Variants in RBPJ observed in about 807,000 individuals in gnomAD.
The protein encoded by RBPJ is recombination signal binding protein for immunoglobulin kappa J region.
A neutral mutation model predicts 67.8 loss-of-function variants in RBPJ; 9 were observed. The observed-to-expected ratio is 0.13, with a 90% CI of 0.08 to 0.23. The LOEUF (loss-of-function observed/expected upper bound fraction) is 0.23, where lower values mean the gene tolerates loss of function less well. Among genes scored for constraint, RBPJ ranks in the 10% least tolerant of loss-of-function variants. The pLI is 1.00. For synonymous variants in RBPJ, 198 were observed against 203.3 expected (o/e 0.97, Z 0.22); for missense variants, 305 against 595.6 (o/e 0.51, Z 5.08).
At chr4:26,225,642 T>C (rs942426460) in intron 1 of RBPJ, among the ~76,000 whole-genome samples, 3 of 152,058 alleles carry the variant, frequency 2.0e-5, no homozygotes, top group Admixed American at 6.5e-5. Context: ...TCATCACTTG[T>C]AACAAATGTA....
rs1311537085 is a variant in RBPJ, at chr4:26,428,716, A to G, written c.748-4A>G. Reference sequence around the variant, plus strand: ...ACCTTTTATTTCTTAATTGTTAAATATAGATAATTAGGAAAGTTGATAAGC... The same window carrying G: ...ACCTTTTATTTCTTAATTGTTAAATGTAGATAATTAGGAAAGTTGATAAGC... On this transcript the variant is annotated splice_polypyrimidine_tract_variant and splice_region_variant and intron_variant, in intron 7 of 10. Coordinates refer to ENST00000355476, the MANE Select transcript of RBPJ (RefSeq NM_015874.6). 1.2e-6 allele frequency: 2 copies of G among 1,604,274 alleles called. No homozygotes were observed. Among genetic ancestry groups the G allele is most frequent in the Non-Finnish European group, 1.7e-6 (2 of 1,174,660 alleles).
In RBPJ at chr4:26,433,747, T is replaced by C. The variant is rs1736435774; in HGVS notation, c.*2740T>C. The C allele has an allele frequency of 6.6e-6, 1 of 152,206 alleles. No homozygotes were observed. Among genetic ancestry groups the C allele is most frequent in the South Asian group, 2.1e-4 (1 of 4,830 alleles). 9.4% of individuals were successfully genotyped at this position (152,206 alleles called of 1,614,324 possible). On this transcript the variant is annotated 3_prime_UTR_variant, in exon 11 of 11. Transcript: ENST00000355476. ...ATCAGTAGTTCTTTTGTCAGCTGCT[T>C]ACATTTTTTCTTTCATGGTTTTGTG...
At chr4:26,255,889 A>G (rs1471737464) in intron 1 of RBPJ, among the ~76,000 whole-genome samples, 3 of 139,370 alleles carry the variant, frequency 2.2e-5, no homozygotes, top group Non-Finnish European at 4.6e-5. Flanking sequence ...AACCTCTGGC[A>G]AGTACTGAAT....
At chr4:26,215,260 GAA>G in intron 1 of RBPJ, among the ~76,000 whole-genome samples, 1 of 97,736 alleles carries the variant, frequency 1.0e-5, no homozygotes, top group Admixed American at 9.8e-5. Context: ...AGAAAGAAAG[GAA>G]GGGAGGGAGG....
chr4:26,144,959 G>A, the RBPJ span, among the ~76,000 whole-genome samples: 3 of 151,880 alleles, frequency 2.0e-5, no homozygotes, highest in South Asian at 6.2e-4. Context: ...CAACCATACT[G>A]GGTTTTCAGG....
chr4:26,157,086 C>CAAA, the RBPJ span, among the ~76,000 whole-genome samples: 1 of 34,658 alleles, frequency 2.9e-5, no homozygotes, highest in Non-Finnish European at 7.8e-5. Context: ...CAAAAACAAA[C>CAAA]AAACAAACAA....
chr4:26,292,432 T>A (rs1721701043), intron 1 of RBPJ, among the ~76,000 whole-genome samples: 1 of 150,384 alleles, frequency 6.6e-6, no homozygotes, highest in Admixed American at 6.7e-5. Context: ...AATATATATA[T>A]TTTTATGAGA....
At chr4:26,157,104 CAAACAAA>C in the RBPJ span, among the ~76,000 whole-genome samples, 3 of 36,234 alleles carry the variant, frequency 8.3e-5, 1 homozygote, top group South Asian at 3.1e-3. Flanking sequence ...CAAACAAAAA[CAAACAAA>C]CAAACAAAAA....
At chr4:26,250,393 G>A (rs185937755) in intron 1 of RBPJ, among the ~76,000 whole-genome samples, 47 of 143,282 alleles carry the variant, frequency 3.3e-4, no homozygotes, top group African/African-American at 1.0e-3. Context: ...GTACAGTAGC[G>A]TGGTCTCGGC....
rs573378397 is a variant in RBPJ, at chr4:26,215,145, G to A, written c.-167+51531G>A. On this transcript the variant is annotated intron_variant, in intron 1 of 4. Transcript: ENST00000512351. ...GAAAGAGAAACAAGGAAGGAAGGAT[G>A]GAGGGAGGGAGAGAAGGAGGATAGG... is the stretch of plus-strand genomic sequence containing the variant. 9.2e-4 allele frequency among the ~76,000 whole-genome samples: 124 copies of A among 135,366 alleles called. 8 individuals are homozygous for A. The highest frequency in any genetic ancestry group is 1.6e-3 in the Non-Finnish European group (103 of 63,806). The allele number at this position is 135,366 out of a possible 152,430, so 88.8% of individuals were successfully genotyped here.
At chr4:26,149,806 A>G in the RBPJ span, among the ~76,000 whole-genome samples, 1 of 152,136 alleles carries the variant, frequency 6.6e-6, no homozygotes, top group Middle Eastern at 3.2e-3. Context: ...CACAAACCAG[A>G]CTAAGACATA....
chr4:26,420,085 A>G (rs1734975506), intron 4 of RBPJ, among the ~76,000 whole-genome samples: 1 of 152,224 alleles, frequency 6.6e-6, no homozygotes, highest in African/African-American at 2.4e-5. Context: ...AGCTATATAA[A>G]GAAAAATATT....
chr4:26,412,730 TA>T (rs994295414), intron 3 of RBPJ, among the ~76,000 whole-genome samples: 3 of 151,930 alleles, frequency 2.0e-5, no homozygotes, highest in Non-Finnish European at 4.4e-5. Flanking sequence ...AATGTTCAAT[TA>T]AAAAAAACAG....
At chr4:26,329,503 G>C (rs1724003989) in intron 1 of RBPJ, among the ~76,000 whole-genome samples, 1 of 152,176 alleles carries the variant, frequency 6.6e-6, no homozygotes, top group Admixed American at 6.5e-5. Flanking sequence ...TTGTGGCTAT[G>C]AGCATTTCAC....
intron 1 of RBPJ, among the ~76,000 whole-genome samples, chr4:26,210,720 T>TTTCCTTCCTTCC (rs55831777): frequency 1.4e-5 from 1 of 70,876 alleles, no homozygotes; most frequent in Non-Finnish European, 2.8e-5. Context: ...TCTTTCCTTC[T>TTTCCTTCCTTCC]TTCTTTCCTT....
intron 1 of RBPJ, among the ~76,000 whole-genome samples, chr4:26,166,522 A>G (rs1175223411): frequency 2.7e-5 from 4 of 150,430 alleles, no homozygotes; most frequent in Non-Finnish European, 5.9e-5. Context: ...TCTTCTTTTG[A>G]GAAGTGTCTG....
intron 1 of RBPJ, among the ~76,000 whole-genome samples, chr4:26,371,252 C>T (rs755341495): frequency 1.4e-4 from 22 of 151,882 alleles, no homozygotes; most frequent in Non-Finnish European, 2.5e-4. Flanking sequence ...GATAAAATTC[C>T]ATAATAATCT....
chr4:26,364,165 A>G (rs1248420502), intron 1 of RBPJ, among the ~76,000 whole-genome samples: 1 of 152,240 alleles, frequency 6.6e-6, no homozygotes, highest in East Asian at 1.9e-4. Context: ...GGTATAGTCC[A>G]TGATTTTTGT....
chr4:26,177,754 C>A (rs186416706), intron 1 of RBPJ, among the ~76,000 whole-genome samples: 24 of 152,266 alleles, frequency 1.6e-4, no homozygotes, highest in East Asian at 9.6e-4. Flanking sequence ...ATATACTTAT[C>A]TTAGAAAAGT....
Sources: gnomAD v4.1 joint callset for allele counts (sites outside exome capture counted in the v4.1 genomes callset) on GRCh38, gnomAD v4.1.1 for gene constraint, MANE v1.5 for transcripts, NCBI Gene and HGNC (gene_info 2026-07-23, HGNC 2026-07-21) for gene names.